RSPO2: variants seen among roughly 807,000 people sequenced by gnomAD.
RSPO2 encodes R-spondin-2.
In RSPO2, 14 loss-of-function variants were observed where a neutral mutation model predicts 30.9. The observed-to-expected ratio is 0.45, with a 90% confidence interval of 0.30 to 0.71. The LOEUF (loss-of-function observed/expected upper bound fraction) is 0.71, where lower values mean the gene tolerates loss of function less well. Ranked by LOEUF, RSPO2 falls within the 30% of genes least tolerant of loss-of-function variation. The pLI is 0.08. For missense variants in RSPO2, 264 were observed against 301.9 expected, an observed-to-expected ratio of 0.87 and a Z score of 0.93; for synonymous variants, 107 against 96.4, an observed-to-expected ratio of 1.11 and a Z score of -0.64.
At chr8:107,926,723 T>A (rs549944594) in intron 5 of RSPO2, among the ~76,000 whole-genome samples, 115 of 152,296 alleles carry the variant, frequency 7.6e-4, no homozygotes, top group Middle Eastern at 3.4e-3. Flanking sequence ...TGGTATTAGT[T>A]CTGAGGGCTC....
chr8:107,990,226 A>C (rs1406936789), intron 2 of RSPO2, among the ~76,000 whole-genome samples: 1 of 152,224 alleles, frequency 6.6e-6, no homozygotes, highest in African/African-American at 2.4e-5. Context: ...GCACAAAACA[A>C]GATAAAAAGG....
chr8:107,991,591 A>G (rs1173681485), intron 2 of RSPO2, among the ~76,000 whole-genome samples: 2 of 152,208 alleles, frequency 1.3e-5, no homozygotes, highest in Non-Finnish European at 2.9e-5. Context: ...AAAAGAAAAT[A>G]TCATCAGACT....
chr8:107,976,228 T>C (rs1029686143), intron 3 of RSPO2, among the ~76,000 whole-genome samples: 1 of 152,240 alleles, frequency 6.6e-6, no homozygotes, highest in African/African-American at 2.4e-5. Flanking sequence ...ATTTCTTTTT[T>C]ATGATGGGCA....
intron 2 of RSPO2, among the ~76,000 whole-genome samples, chr8:108,057,429 T>G (rs1812291470): frequency 6.6e-6 from 1 of 152,174 alleles, no homozygotes; most frequent in Non-Finnish European, 1.5e-5. Flanking sequence ...GAATAGATTT[T>G]GGGCTTATAT....
chr8:108,061,229 C>T (rs577305249), intron 2 of RSPO2, among the ~76,000 whole-genome samples: 10 of 151,930 alleles, frequency 6.6e-5, no homozygotes, highest in Non-Finnish European at 1.2e-4. Context: ...AATTAAAAGA[C>T]ACAGACTGGC....
At chr8:107,969,591 A>G (rs960377665) in intron 3 of RSPO2, among the ~76,000 whole-genome samples, 63 of 152,212 alleles carry the variant, frequency 4.1e-4, no homozygotes, top group Non-Finnish European at 5.9e-5. Flanking sequence ...CAAGTGATGC[A>G]TATTTGAAAT....
chr8:107,981,523 A>AAAAG (rs71308763), intron 3 of RSPO2, among the ~76,000 whole-genome samples: 54,032 of 151,404 alleles, frequency 0.36, 11,430 homozygotes, highest in East Asian at 0.66. Context: ...TGTCTCAGAA[A>AAAAG]AAAGAAAGAA....
chr8:107,931,476 C>T (rs192715022), intron 5 of RSPO2, among the ~76,000 whole-genome samples: 19 of 151,870 alleles, frequency 1.3e-4, no homozygotes, highest in Admixed American at 3.9e-4. Flanking sequence ...TTAGTGCTCA[C>T]GAAATTAACT....
At chr8:107,983,472 C>T (rs1563550084) in intron 3 of RSPO2, 2 of 1,597,144 alleles carry the variant, frequency 1.3e-6, no homozygotes, top group East Asian at 2.2e-5. Flanking sequence ...CTCAGAAGTA[C>T]AGCCCTTCCA....
chr8:107,912,391 C>G (rs1811852396), intron 5 of RSPO2, among the ~76,000 whole-genome samples: 1 of 152,116 alleles, frequency 6.6e-6, no homozygotes. Flanking sequence ...TCCCTGGGAT[C>G]TATTTGTAGG....
At chr8:107,980,168 G>A (rs1359955578) in intron 3 of RSPO2, among the ~76,000 whole-genome samples, 2 of 152,090 alleles carry the variant, frequency 1.3e-5, no homozygotes, top group African/African-American at 4.8e-5. Flanking sequence ...TGCCCCATGG[G>A]TTCCCTGAGC....
chr8:108,082,645 G>T lies in RSPO2; in HGVS notation c.-7C>A, dbSNP rs745775373. The T allele has an allele frequency of 1.9e-6, 3 of 1,612,160 alleles. No homozygotes were observed. Among genetic ancestry groups the T allele is most frequent in the East Asian group, 4.5e-5 (2 of 44,862 alleles). On this transcript the variant is annotated 5_prime_UTR_variant, in exon 2 of 6. Coordinates refer to ENST00000276659, the MANE Select transcript of RSPO2 (RefSeq NM_178565.5). ...AGAAAAGGCGAAACTGCATCTGGGC[G>T]GTCGGGCGGGGGAGAGACGCCTCTC...
intron 2 of RSPO2, among the ~76,000 whole-genome samples, chr8:108,051,728 G>A (rs1277240501): frequency 6.6e-6 from 1 of 152,162 alleles, no homozygotes; most frequent in Admixed American, 6.6e-5. Context: ...TTCAACATGA[G>A]GCCCAGAAAT....
chr8:107,903,229 G>T (rs1452679317), intron 5 of RSPO2, among the ~76,000 whole-genome samples: 1 of 151,924 alleles, frequency 6.6e-6, no homozygotes, highest in African/African-American at 2.4e-5. Context: ...TATAAAGCCT[G>T]GAGTTTCTTT....
At chr8:108,064,675 A>G (rs1402469923) in intron 2 of RSPO2, among the ~76,000 whole-genome samples, 1 of 152,208 alleles carries the variant, frequency 6.6e-6, no homozygotes, top group Non-Finnish European at 1.5e-5. Context: ...ATTACTGGGT[A>G]TATACCCAAA....
intron 5 of RSPO2, among the ~76,000 whole-genome samples, chr8:107,904,320 A>T (rs1811570183): frequency 1.3e-5 from 2 of 151,914 alleles, no homozygotes; most frequent in African/African-American, 2.4e-5. Context: ...TTTAGTTCAC[A>T]AGAGAAGACT....
At chr8:108,064,585 C>G (rs560096622) in intron 2 of RSPO2, among the ~76,000 whole-genome samples, 3 of 152,292 alleles carry the variant, frequency 2.0e-5, no homozygotes, top group East Asian at 3.9e-4. Flanking sequence ...GGACTGTAAA[C>G]TAGTTCAACC....
At chr8:108,078,416 G>A (rs1813078910) in intron 2 of RSPO2, among the ~76,000 whole-genome samples, 2 of 152,200 alleles carry the variant, frequency 1.3e-5, no homozygotes, top group East Asian at 1.9e-4. Flanking sequence ...GTAAGCAAGT[G>A]TACAAAATGT....
chr8:107,997,698 A>G (rs1349817218), intron 2 of RSPO2, among the ~76,000 whole-genome samples: 1 of 152,238 alleles, frequency 6.6e-6, no homozygotes, highest in African/African-American at 2.4e-5. Context: ...AGAAAAAAGC[A>G]GCATAGGTAT....
Sources: allele counts gnomAD v4.1 joint callset (sites outside exome capture counted in the v4.1 genomes callset), GRCh38; gene constraint gnomAD v4.1.1; transcripts MANE v1.5; gene names NCBI Gene and HGNC (gene_info 2026-07-23, HGNC 2026-07-21).